Variants in TLN2 observed in about 807,000 individuals in gnomAD.
TLN2 encodes talin 2.
In TLN2, 118 loss-of-function variants were observed where a neutral mutation model predicts 294.7. The observed-to-expected ratio is 0.40, with a 90% confidence interval of 0.34 to 0.47. The LOEUF (loss-of-function observed/expected upper bound fraction) is 0.47, where lower values mean the gene tolerates loss of function less well. Ranked by LOEUF, TLN2 falls within the 20% of genes least tolerant of loss-of-function variation. The pLI is 0.84. For missense variants in TLN2, 3,083 were observed against 3,282.2 expected, an observed-to-expected ratio of 0.94 and a Z score of 1.48; for synonymous variants, 1,431 against 1,304.5, an observed-to-expected ratio of 1.10 and a Z score of -2.09.
intron 45 of TLN2, among the ~76,000 whole-genome samples, chr15:62,789,917 G>T (rs2064959504): frequency 6.6e-6 from 1 of 152,184 alleles, no homozygotes; most frequent in African/African-American, 2.4e-5. Context: ...ACTCATGTGG[G>T]TGGCAGAAAG....
rs1345115584 is a variant in TLN2, at chr15:62,844,269, T to C, written c.*3659T>C. Reference sequence around the variant, plus strand: ...TCCATCTTTCTGAGCCTCTGCTTGGTATGTCATGTTTATGGTCACTACGGA... The same window carrying C: ...TCCATCTTTCTGAGCCTCTGCTTGGCATGTCATGTTTATGGTCACTACGGA... On this transcript the variant is annotated 3_prime_UTR_variant, in exon 59 of 59. Coordinates refer to ENST00000636159, the MANE Select transcript of TLN2 (RefSeq NM_015059.3). 6.6e-6 allele frequency: 1 copy of C among 152,096 alleles called. No homozygotes were observed. Among genetic ancestry groups the C allele is most frequent in the Non-Finnish European group, 1.5e-5 (1 of 68,044 alleles). 9.4% of individuals were successfully genotyped at this position (152,096 alleles called of 1,614,324 possible). A position where few individuals can be genotyped will look rare whatever the true frequency, so the allele number is the denominator to read the frequency against.
At chr15:62,512,997 A>G (rs1355775214) in intron 1 of TLN2, among the ~76,000 whole-genome samples, 5 of 152,172 alleles carry the variant, frequency 3.3e-5, no homozygotes, top group African/African-American at 1.2e-4. Context: ...TGATTCAAGG[A>G]TTCTAATTTC....
chr15:62,652,073 A>T lies in TLN2; in HGVS notation c.303A>T (p.Thr101=). ...KIRMLDGSVK[T]VMVDDSKTVG... The stretch of plus-strand genomic sequence containing the variant: ...GGATGCTGGATGGATCTGTGAAGAC[A>T]GTGATGGTGGATGATTCCAAGACTG... Residue 101 remains threonine (T), a synonymous_variant, in exon 6 of 59, where the codon ACA becomes ACT. Transcript: ENST00000636159. 1 of 1,612,178 alleles carries T rather than the reference A, an allele frequency of 6.2e-7. No individual in the cohort carries two copies. The highest frequency in any genetic ancestry group is 1.1e-5 in the South Asian group (1 of 90,624).
At chr15:62,775,122 C>A (rs1324698079) in intron 42 of TLN2, among the ~76,000 whole-genome samples, 1 of 151,720 alleles carries the variant, frequency 6.6e-6, no homozygotes, top group Admixed American at 6.6e-5. Flanking sequence ...ACACCTGGCT[C>A]ATTTTTTGTA....
chr15:62,566,766 G>A (rs1009295735), intron 1 of TLN2, among the ~76,000 whole-genome samples: 23 of 151,812 alleles, frequency 1.5e-4, no homozygotes, highest in African/African-American at 5.1e-4. Context: ...TGTGTTGCCC[G>A]GGCTGGTCTC....
In TLN2 at chr15:62,783,971, C is replaced by T. The variant is rs1039099338; in HGVS notation, c.5736+81C>T. On this transcript the variant is annotated intron_variant, in intron 45 of 58. Transcript: ENST00000636159. ...CTGGGTATTTCTTCATAGCTTAGCTCCACTCTGGAAGACCCCAGCCCAGTA... is the reference window on the plus strand; with the variant it reads ...CTGGGTATTTCTTCATAGCTTAGCTTCACTCTGGAAGACCCCAGCCCAGTA... The T allele has an allele frequency of 2.5e-6, 4 of 1,587,674 alleles. No homozygotes were observed. In the African/African-American group the frequency reaches 5.4e-5, roughly 21 times the overall value.
At chr15:62,647,556 T>C (rs2052031218) in intron 4 of TLN2, 110 bp downstream of exon 4, 1 of 1,447,284 alleles carries the variant, frequency 6.9e-7, no homozygotes. Flanking sequence ...AGTGCATATG[T>C]TTCAAATGAA....
At chr15:62,812,688 T>A (rs530405555) in intron 52 of TLN2, among the ~76,000 whole-genome samples, 1 of 152,148 alleles carries the variant, frequency 6.6e-6, no homozygotes, top group East Asian at 1.9e-4. Context: ...GAATGAGGTG[T>A]TGGATCTGCT....
chr15:62,608,319 C>T (rs906000387), intron 2 of TLN2, among the ~76,000 whole-genome samples: 1 of 152,086 alleles, frequency 6.6e-6, no homozygotes, highest in African/African-American at 2.4e-5. Flanking sequence ...TGGTGTTAGA[C>T]TTCTCCCTAA....
chr15:62,820,475 A>G lies in TLN2; in HGVS notation c.6878-11A>G. The G allele has an allele frequency of 1.9e-6, 3 of 1,613,324 alleles. No homozygotes were observed. The South Asian group carries it at 3.3e-5, about 18-fold the overall frequency. On this transcript the variant is annotated splice_polypyrimidine_tract_variant and intron_variant, in intron 53 of 58. Transcript: ENST00000636159. Reference sequence around the variant, plus strand: ...GCTATGAAGAATCACCTTCTTTTGGACTGATTCTAGGAACAGAGTGGGTGG... The same window carrying G: ...GCTATGAAGAATCACCTTCTTTTGGGCTGATTCTAGGAACAGAGTGGGTGG...
chr15:62,406,969 G>T (rs979162693), intron 1 of TLN2, among the ~76,000 whole-genome samples: 1 of 152,074 alleles, frequency 6.6e-6, no homozygotes, highest in East Asian at 1.9e-4. Flanking sequence ...TTTTTGGGAT[G>T]GGGGGTACAA....
intron 9 of TLN2, among the ~76,000 whole-genome samples, chr15:62,667,691 T>A (rs1253074407): frequency 6.6e-6 from 1 of 152,226 alleles, no homozygotes; most frequent in Non-Finnish European, 1.5e-5. Flanking sequence ...CTGGGACAGA[T>A]AAGAGGCAGT....
intron 1 of TLN2, among the ~76,000 whole-genome samples, chr15:62,397,271 A>G (rs756655007): frequency 2.0e-5 from 3 of 152,040 alleles, no homozygotes; most frequent in African/African-American, 2.4e-5. Context: ...TCTGAATAAT[A>G]TTTTTAGAGA....
At chr15:62,677,610 G>C (rs189584368) in intron 11 of TLN2, among the ~76,000 whole-genome samples, 1 of 152,172 alleles carries the variant, frequency 6.6e-6, no homozygotes, top group Admixed American at 6.5e-5. Flanking sequence ...TTGCAGGTTT[G>C]ATCAAACCAA....
chr15:62,501,114 G>A (rs1051470850), intron 1 of TLN2, among the ~76,000 whole-genome samples: 3 of 152,350 alleles, frequency 2.0e-5, no homozygotes, highest in Non-Finnish European at 4.4e-5. Flanking sequence ...ATCTCATTGA[G>A]CAAAAGATAA....
At chr15:62,565,714 C>G (rs116528267) in intron 1 of TLN2, among the ~76,000 whole-genome samples, 2 of 152,020 alleles carry the variant, frequency 1.3e-5, no homozygotes, top group East Asian at 2.0e-4. Flanking sequence ...CATCCTCTTA[C>G]GTTTCAAATC....
chr15:62,619,286 G>T (rs1022640039), intron 3 of TLN2, among the ~76,000 whole-genome samples: 1 of 152,218 alleles, frequency 6.6e-6, no homozygotes, highest in African/African-American at 2.4e-5. Context: ...AGAGTGAGGC[G>T]CTGGAGAAGC....
rs763329365 is a variant in TLN2, at chr15:62,770,997, A to G, written c.5230A>G (p.Ile1744Val). The G allele has an allele frequency of 6.3e-7, 1 of 1,599,368 alleles. No individual in the cohort carries two copies. Among genetic ancestry groups the G allele is most frequent in the South Asian group, 1.1e-5 (1 of 90,028 alleles). Residue 1744 changes from isoleucine (I) to valine (V), a missense_variant, in exon 42 of 59, where the codon ATC (isoleucine) becomes GTC (valine). Ile to Val is a conservative substitution (Grantham distance 29, BLOSUM62 3). Transcript: ENST00000636159. The part of the protein sequence containing the change: ...TQLASYFEPL[I>V]LAAVGVASKI... The stretch of plus-strand genomic sequence containing the variant: ...ACTGGCAAGCTATTTTGAGCCCTTG[A>G]TCTTAGCCGCAGTTGGTGTGGCCTC...
At position 62,417,570 on chromosome 15, in the gene TLN2, T is replaced by C. The variant is rs149967827; in HGVS notation, c.-238+26885T>C. The stretch of plus-strand genomic sequence containing the variant: ...ACCCTTGAATAACTGGATCAGAAAA[T>C]TGTTTTCCCTGCCTGAGTCAGCCGT... On this transcript the variant is annotated intron_variant, in intron 1 of 58. Transcript: ENST00000636159. Among the ~76,000 whole-genome samples, 454 of 152,294 alleles carry C rather than the reference T, an allele frequency of 3.0e-3. 5 individuals carry two copies. The highest frequency in any genetic ancestry group is 0.014 in the Admixed American group (209 of 15,292).
Sources: gnomAD v4.1 joint callset for allele counts (sites outside exome capture counted in the v4.1 genomes callset) on GRCh38, gnomAD v4.1.1 for gene constraint, MANE v1.5 for transcripts, NCBI Gene and HGNC (gene_info 2026-07-23, HGNC 2026-07-21) for gene names.